The following IVD variants were observed in gnomAD, a reference collection of about 807,000 sequenced individuals.
IVD encodes the protein isovaleryl-CoA dehydrogenase.
In IVD, 31 loss-of-function variants were observed where a neutral mutation model predicts 51.3. The ratio of observed to expected loss-of-function variants is 0.60; its 90% CI spans 0.45 to 0.81. IVD has a LOEUF of 0.81. Among genes scored for constraint, IVD ranks in the 40% least tolerant of loss-of-function variants. The pLI is 0.00. For missense variants in IVD, 475 were observed against 552.0 expected, an observed-to-expected ratio of 0.86 and a Z score of 1.40; for synonymous variants, 205 against 219.4, an observed-to-expected ratio of 0.93 and a Z score of 0.58.
chr15:40,406,164 C>G, intron 1 of IVD, 193 bp downstream of exon 1: 1 of 1,538,454 alleles, frequency 6.5e-7, no homozygotes, highest in South Asian at 1.2e-5. Context: ...ACCTCGGCCT[C>G]ACGTCTGTGG....
Position 40,418,459 on chromosome 15 carries a change from G to A in IVD, c.*196G>A, listed in dbSNP as rs1417892978. 1.5e-5 allele frequency: 22 copies of A among 1,451,936 alleles called. 1 individual carries two copies. The highest frequency in any genetic ancestry group is 4.0e-5 in the South Asian group (3 of 75,056). 89.9% of individuals were successfully genotyped at this position (1,451,936 alleles called of 1,614,324 possible). On this transcript the variant is annotated 3_prime_UTR_variant, in exon 12 of 12. Transcript: ENST00000487418. ...GGCCTCGCAGCCGGGCCTGTGCCAC[G>A]GCTAGTGTTGTGTGATTTAAAATGG...
chr15:40,425,081 C>T (rs1056213256), downstream of IVD, among the ~76,000 whole-genome samples: 6 of 152,216 alleles, frequency 3.9e-5, no homozygotes, highest in Non-Finnish European at 5.9e-5. Context: ...CTAAAAGACC[C>T]TGACCCTCCT....
At chr15:40,429,186 C>T (rs1255789835), downstream of IVD, among the ~76,000 whole-genome samples, 1 of 152,178 alleles carries the variant, frequency 6.6e-6, no homozygotes, top group Non-Finnish European at 1.5e-5. Flanking sequence ...CCCACCACTC[C>T]ATCCCCTGCC....
chr15:40,425,391 A>AATATT (rs1162371015), downstream of IVD, among the ~76,000 whole-genome samples: 5 of 150,554 alleles, frequency 3.3e-5, no homozygotes, highest in African/African-American at 4.9e-5. Flanking sequence ...ATCCCTGAAC[A>AATATT]ATATTGTTTA....
chr15:40,431,246 A>C (rs2141431517), intron 7 of IVD, among the ~76,000 whole-genome samples: 1 of 151,640 alleles, frequency 6.6e-6, no homozygotes, highest in South Asian at 2.1e-4. Flanking sequence ...TGCCTCCCTG[A>C]GACCTGGGAT....
In IVD at chr15:40,407,722, G is replaced by C; in HGVS notation, c.231G>C (p.Leu77=). The change falls in exon 2 of 12, where the codon CTG becomes CTC. Residue 77 remains leucine, a synonymous_variant. Transcript: ENST00000487418. ...EIDRSNEFKN[L]REFWKQLGNL... ...ATCGCAGCAATGAGTTCAAGAACCT[G>C]CGAGTGAGTTGGGAGGTCCGGGCAG... The C allele has an allele frequency of 6.2e-7, 1 of 1,614,002 alleles. No individual in the cohort carries two copies. The highest frequency in any genetic ancestry group is 1.3e-5 in the African/African-American group (1 of 75,064).
rs1456249360 is a variant in IVD, at chr15:40,420,384, G to A, written c.*2121G>A. The A allele has an allele frequency of 7.0e-5, 69 of 987,516 alleles. No individual in the cohort carries two copies. Among genetic ancestry groups the A allele is most frequent in the Non-Finnish European group, 8.2e-5 (68 of 830,120 alleles). 61.2% of individuals were successfully genotyped at this position (987,516 alleles called of 1,614,324 possible). On this transcript the variant is annotated 3_prime_UTR_variant, in exon 12 of 12. Coordinates refer to ENST00000487418, the MANE Select transcript of IVD (RefSeq NM_002225.5). The stretch of plus-strand genomic sequence containing the variant: ...TGTACATTTCTCCAGATACCCTATG[G>A]CTAATTTTGTTATAACTGCACAGTG...
At chr15:40,410,896 A>G in intron 4 of IVD, 99 bp downstream of exon 4, 1 of 1,424,354 alleles carries the variant, frequency 7.0e-7, no homozygotes, top group Non-Finnish European at 9.7e-7. Context: ...TGCTTTCTGT[A>G]GCATGCTGCC....
intron 3 of IVD, among the ~76,000 whole-genome samples, chr15:40,408,732 C>T (rs1441941168): frequency 6.6e-6 from 1 of 152,164 alleles, no homozygotes. Flanking sequence ...AGGTGGATCA[C>T]CTGCGGTCGT....
chr15:40,429,812 C>T (rs1221255483), intron 7 of IVD, among the ~76,000 whole-genome samples: 5 of 152,172 alleles, frequency 3.3e-5, no homozygotes, highest in African/African-American at 9.7e-5. Flanking sequence ...GTTCTGGGGC[C>T]GCAGCCTCTA....
chr15:40,412,658 G>A (rs186009384), intron 6 of IVD: 124 of 368,264 alleles, frequency 3.4e-4, no homozygotes, highest in Middle Eastern at 2.8e-3. Context: ...GAATTGACCG[G>A]GCTGGTGACA....
chr15:40,430,840 G>T (rs1405775995), intron 7 of IVD, among the ~76,000 whole-genome samples: 1 of 152,244 alleles, frequency 6.6e-6, no homozygotes, highest in Non-Finnish European at 1.5e-5. Context: ...GTGTCAAAGA[G>T]AGTGCAGAAG....
At position 40,407,965 on chromosome 15, in the gene IVD, G is replaced by A; in HGVS notation, c.261G>A (p.Leu87=). ...AATTTTGGAAGCAGCTGGGGAACCTGGGCGTATTGGGCATCACAGCCCCTG... is the reference window on the plus strand; with the variant it reads ...AATTTTGGAAGCAGCTGGGGAACCTAGGCGTATTGGGCATCACAGCCCCTG... ...LREFWKQLGN[L]GVLGITAPVQ... Residue 87 remains leucine, a synonymous_variant, in exon 3 of 12, where the codon CTG becomes CTA. Coordinates refer to ENST00000487418, the MANE Select transcript of IVD (RefSeq NM_002225.5). The A allele has an allele frequency of 6.2e-7, 1 of 1,614,138 alleles. No homozygotes were observed. Among genetic ancestry groups the A allele is most frequent in the Non-Finnish European group, 8.5e-7 (1 of 1,179,992 alleles).
In IVD at chr15:40,419,081, A is replaced by T; in HGVS notation, c.*818A>T. 8.8e-7 allele frequency: 1 copy of T among 1,133,860 alleles called. No homozygotes were observed. The highest frequency in any genetic ancestry group is 1.2e-6 in the Non-Finnish European group (1 of 847,800). 70.2% of individuals were successfully genotyped at this position (1,133,860 alleles called of 1,614,324 possible). A position where few individuals can be genotyped will look rare whatever the true frequency, so the allele number is the denominator to read the frequency against. On this transcript the variant is annotated 3_prime_UTR_variant, in exon 12 of 12. Transcript: ENST00000487418. ...AACCCAGGAGGCGGACGTTGCAGTGAGCCGAGCTTGTGCCATTGCACTCCA... is the reference window on the plus strand; with the variant it reads ...AACCCAGGAGGCGGACGTTGCAGTGTGCCGAGCTTGTGCCATTGCACTCCA...
At chr15:40,421,959 C>T (rs1217669926), downstream of IVD, among the ~76,000 whole-genome samples, 1 of 152,192 alleles carries the variant, frequency 6.6e-6, no homozygotes, top group African/African-American at 2.4e-5. Context: ...GACCTAAGAC[C>T]CAGGTGGCCA....
chr15:40,430,819 T>C (rs1020186253), intron 7 of IVD, among the ~76,000 whole-genome samples: 1 of 152,202 alleles, frequency 6.6e-6, no homozygotes, highest in African/African-American at 2.4e-5. Flanking sequence ...AAAGACCATA[T>C]TGATGTTTCA....
rs1891980089 is a variant in IVD at position 40,418,663 on chromosome 15, G to A, written c.*400G>A. The stretch of plus-strand genomic sequence containing the variant: ...TACCCACCTCTTTCTCTTGGGTGAG[G>A]CTCTGGCAAGGAGATCTCTCTGCTC... On this transcript the variant is annotated 3_prime_UTR_variant, in exon 12 of 12. Transcript: ENST00000487418. 1 of 1,144,736 alleles carries A rather than the reference G, an allele frequency of 8.7e-7. No homozygotes were observed. Among genetic ancestry groups the A allele is most frequent in the Admixed American group, 4.5e-5 (1 of 22,378 alleles). 70.9% of individuals were successfully genotyped at this position (1,144,736 alleles called of 1,614,324 possible). A position where few individuals can be genotyped will look rare whatever the true frequency, so the allele number is the denominator to read the frequency against.
intron 3 of IVD, 30 bp downstream of exon 3, chr15:40,408,020 CTT>C: frequency 6.2e-7 from 1 of 1,603,352 alleles, no homozygotes; most frequent in Non-Finnish European, 8.5e-7. Flanking sequence ...CTAAAAAGAA[CTT>C]TTCTTATGTG....
At chr15:40,425,439 A>AATATATATATATATATATATAT (rs1566949596), downstream of IVD, among the ~76,000 whole-genome samples, 3 of 73,484 alleles carry the variant, frequency 4.1e-5, no homozygotes, top group African/African-American at 1.3e-4. Flanking sequence ...CTGGACTCAT[A>AATATATATATATATATATATAT]CTATATATAT....
Sources: allele counts gnomAD v4.1 joint callset (sites outside exome capture counted in the v4.1 genomes callset), GRCh38; gene constraint gnomAD v4.1.1; transcripts MANE v1.5; gene names NCBI Gene and HGNC (gene_info 2026-07-23, HGNC 2026-07-21).